DSG2: variants seen among roughly 807,000 people sequenced by gnomAD.
DSG2 encodes the protein desmoglein-2.
DSG2 carries 45 observed loss-of-function variants against 75.6 expected under a neutral mutation model. The ratio of observed to expected loss-of-function variants is 0.60; its 90% CI spans 0.47 to 0.76. The LOEUF is 0.76. DSG2 is among the 30% of genes least tolerant of loss of function. DSG2 has a pLI of 0.00. For synonymous variants in DSG2, 429 were observed against 483.9 expected, an observed-to-expected ratio of 0.89 and a Z score of 1.49; for missense variants, 1,267 against 1,357.4, an observed-to-expected ratio of 0.93 and a Z score of 1.05.
Position 31,506,824 on chromosome 18 carries a change from A to G in DSG2, c.45+8528A>G, listed in dbSNP as rs930075366. On this transcript the variant is annotated intron_variant, in intron 1 of 14. Coordinates refer to ENST00000261590, the MANE Select transcript of DSG2 (RefSeq NM_001943.5). The stretch of plus-strand genomic sequence containing the variant: ...TATTTTTTACATGTCTAGTCATTTA[A>G]TAAATGCTATTTTGAATTGAAATTG... 2.0e-5 allele frequency among the ~76,000 whole-genome samples: 3 copies of G among 152,262 alleles called. No individual in the cohort carries two copies. In the South Asian group the frequency reaches 6.2e-4, roughly 31 times the overall value.
chr18:31,541,300 C>G lies in DSG2; in HGVS notation c.1987C>G (p.Pro663Ala). 6.2e-7 allele frequency: 1 copy of G among 1,614,042 alleles called. No individual in the cohort carries two copies. Residue 663 changes from proline (P) to alanine (A), a missense_variant, in exon 13 of 15, where the codon CCA (proline) becomes GCA (alanine). Transcript: ENST00000261590. Reference protein sequence around the residue: ...MLHPWNNEGAPPEDKVVPSFL... With the variant: ...MLHPWNNEGAAPEDKVVPSFL... ...GCATCCTTGGAATAATGAAGGAGCA[C>G]CACCTGAAGACAAGGTCAGTGGATC...
At position 31,531,148 on chromosome 18, in the gene DSG2, C is replaced by T. The variant is rs1305831657; in HGVS notation, c.1176C>T (p.Val392=). 1 of 1,614,124 alleles carries T rather than the reference C, an allele frequency of 6.2e-7. No homozygotes were observed. The highest frequency in any genetic ancestry group is 1.1e-5 in the South Asian group (1 of 91,076). The change falls in exon 9 of 15, where the codon GTC becomes GTT. Residue 392 remains valine, a synonymous_variant. Coordinates refer to ENST00000261590, the MANE Select transcript of DSG2 (RefSeq NM_001943.5). ...AAGGCATTCATTTTAAAAGCAGCGTCATCTCAATTTATGTTAGCGAGAGCA... is the reference window on the plus strand; with the variant it reads ...AAGGCATTCATTTTAAAAGCAGCGTTATCTCAATTTATGTTAGCGAGAGCA... ...VKEGIHFKSS[V]ISIYVSESMD...
intron 9 of DSG2, 54 bp downstream of exon 9, chr18:31,531,306 T>C: frequency 6.3e-7 from 1 of 1,591,352 alleles, no homozygotes; most frequent in Non-Finnish European, 8.6e-7. Context: ...TCAGTGCCTA[T>C]TTTCAAAAAT....
rs771083574 is a variant in DSG2 at position 31,536,355 on chromosome 18, G to A, written c.1577G>A (p.Ser526Asn). The stretch of plus-strand genomic sequence containing the variant: ...GAGGACCTGGATGGACACCCAAACA[G>A]TGGCCCTTTCAGTTTCTCCGTCATT... ...TAEDLDGHPN[S>N]GPFSFSVIDK... is the part of the protein sequence containing the mutation. The change falls in exon 11 of 15, where the codon AGT becomes AAT. Residue 526 changes from serine to asparagine, a missense_variant. Transcript: ENST00000261590. The A allele has an allele frequency of 6.2e-7, 1 of 1,614,196 alleles. No individual in the cohort carries two copies. The highest frequency in any genetic ancestry group is 8.5e-7 in the Non-Finnish European group (1 of 1,180,044).
Position 31,522,236 on chromosome 18 carries a change from C to G in DSG2, c.677C>G (p.Thr226Ser). 1.9e-6 allele frequency: 3 copies of G among 1,613,480 alleles called. No individual in the cohort carries two copies. In the South Asian group the frequency reaches 3.3e-5, roughly 18 times the overall value. Residue 226 changes from threonine to serine, a missense_variant, in exon 6 of 15, where the codon ACC becomes AGC. By Grantham distance (58) the Thr-to-Ser change is moderately conservative. Transcript: ENST00000261590. ...DTGEIYTTSV[T>S]LDREEHSSYT... ...GGAGAGATTTATACAACCAGTGTTA[C>G]CTTGGACAGAGAGGTAAGTTAATAT...
At chr18:31,518,316 G>A (rs1433137417) in intron 2 of DSG2, 42 bp downstream of exon 2, 2 of 1,564,076 alleles carry the variant, frequency 1.3e-6, no homozygotes, top group Admixed American at 3.3e-5. Flanking sequence ...TGACTCAGGA[G>A]GGTTAATTCC....
At chr18:31,529,774 TG>T (rs2073183248) in intron 8 of DSG2, among the ~76,000 whole-genome samples, 1 of 152,192 alleles carries the variant, frequency 6.6e-6, no homozygotes, top group Admixed American at 6.5e-5. Context: ...TGCATCTAAA[TG>T]GTCAGAGATA....
At position 31,538,922 on chromosome 18, in the gene DSG2, T is replaced by TG. The variant is rs1039633976; in HGVS notation, c.1826dup (p.Leu610ProfsTer50). 3 of 1,614,070 alleles carry TG rather than the reference T, an allele frequency of 1.9e-6. No individual in the cohort carries two copies. In the African/African-American group the frequency reaches 4.0e-5, roughly 22 times the overall value. On this transcript the variant is annotated frameshift_variant, in exon 12 of 15. Transcript: ENST00000261590. LOFTEE classifies it high-confidence loss of function. ...AGGGAAGCACAGCATGACTCCTATG[T>TG]GGGCCTGGGACCCGCAGCAATTGCG... is the stretch of plus-strand genomic sequence containing the variant.
chr18:31,520,804 T>C lies in DSG2; in HGVS notation c.218T>C (p.Ile73Thr). The C allele has an allele frequency of 6.2e-7, 1 of 1,613,512 alleles. No individual in the cohort carries two copies. The highest frequency in any genetic ancestry group is 2.2e-5 in the East Asian group (1 of 44,758). ...DLSKKNPIAKIHSDLAEERGL... is the reference protein window; with the variant it reads ...DLSKKNPIAKTHSDLAEERGL... The stretch of plus-strand genomic sequence containing the variant: ...ACATTCCTGTTATTTTTATGTTAGA[T>C]ACATTCTGATCTTGCAGAAGAAAGA... Residue 73 changes from isoleucine to threonine, a missense_variant and splice_region_variant, in exon 4 of 15, where the codon ATA (isoleucine) becomes ACA (threonine). Physicochemically the swap from Ile to Thr is moderately conservative, Grantham distance 89 (BLOSUM62 -1). Transcript: ENST00000261590.
chr18:31,546,453 C>T lies in DSG2; in HGVS notation c.3067C>T (p.Leu1023Phe). ...CATGGTGAGGGAAAGAGAGAGCTTCCTTGCCCCCAGCTCAGGTGTGCAGCC... is the reference window on the plus strand; with the variant it reads ...CATGGTGAGGGAAAGAGAGAGCTTCTTTGCCCCCAGCTCAGGTGTGCAGCC... ...YVMVRERESF[L>F]APSSGVQPTL... Residue 1023 changes from leucine (L) to phenylalanine (F), a missense_variant, in exon 15 of 15, where the codon CTT becomes TTT. By Grantham distance (22) the Leu-to-Phe change is conservative. Transcript: ENST00000261590. 1 of 1,614,160 alleles carries T rather than the reference C, an allele frequency of 6.2e-7. No homozygotes were observed. The highest frequency in any genetic ancestry group is 2.2e-5 in the East Asian group (1 of 44,882).
intron 1 of DSG2, among the ~76,000 whole-genome samples, chr18:31,512,354 C>G (rs2073071904): frequency 6.6e-6 from 1 of 152,212 alleles, no homozygotes; most frequent in Non-Finnish European, 1.5e-5. Flanking sequence ...CCTCTGCCTT[C>G]AAAATAAACA....
chr18:31,546,929 A>G lies in DSG2; in HGVS notation c.*186A>G, dbSNP rs2073316758. ...CTCTGCTTCCAGGAGTATTTTAGAA[A>G]TGTTCCACAATTTACTGAAGACATA... On this transcript the variant is annotated 3_prime_UTR_variant, in exon 15 of 15. Coordinates refer to ENST00000261590, the MANE Select transcript of DSG2 (RefSeq NM_001943.5). 1 of 697,218 alleles carries G rather than the reference A, an allele frequency of 1.4e-6. No homozygotes were observed. The highest frequency in any genetic ancestry group is 2.5e-6 in the Non-Finnish European group (1 of 395,768). The allele number at this position is 697,218 out of a possible 1,614,324, so 43.2% of individuals were successfully genotyped here.
rs765051990 is a variant in DSG2 at position 31,542,885 on chromosome 18, G to A, written c.2334+33G>A. 14 of 1,086,616 alleles carry A rather than the reference G, an allele frequency of 1.3e-5. 2 individuals carry two copies. Among genetic ancestry groups the A allele is most frequent in the Non-Finnish European group, 1.5e-5 (12 of 784,728 alleles). The allele number at this position is 1,086,616 out of a possible 1,614,324, so 67.3% of individuals were successfully genotyped here. A position where few individuals can be genotyped will look rare whatever the true frequency, so the allele number is the denominator to read the frequency against. On this transcript the variant is annotated intron_variant, in intron 14 of 14. Transcript: ENST00000261590. ...TGAGTTTTATGTATTGGTGGTGGGG[G>A]GTGGGGGGAACATTTGTATGTGAAT...
At chr18:31,521,551 A>G (rs1295137394) in intron 5 of DSG2, among the ~76,000 whole-genome samples, 1 of 152,160 alleles carries the variant, frequency 6.6e-6, no homozygotes, top group African/African-American at 2.4e-5. Context: ...CTGTGGTCCA[A>G]TAAAACTTCA....
Position 31,546,102 on chromosome 18 carries a change from A to G in DSG2, c.2716A>G (p.Ile906Val), listed in dbSNP as rs748894535. 1.2e-6 allele frequency: 2 copies of G among 1,614,222 alleles called. No individual in the cohort carries two copies. Among genetic ancestry groups the G allele is most frequent in the East Asian group, 2.2e-5 (1 of 44,884 alleles). ...EANAEKVTQE[I>V]VTERSVSSRQ... is the part of the protein sequence containing the mutation. ...CAATGCAGAGAAAGTAACTCAGGAA[A>G]TAGTCACTGAAAGATCTGTGTCTTC... is the stretch of plus-strand genomic sequence containing the variant. The change falls in exon 15 of 15, where the codon ATA becomes GTA. Residue 906 changes from isoleucine to valine, a missense_variant. Physicochemically the swap from Ile to Val is conservative, Grantham distance 29 (BLOSUM62 3). Coordinates refer to ENST00000261590, the MANE Select transcript of DSG2 (RefSeq NM_001943.5).
At chr18:31,538,652 T>G (rs1479657168) in intron 11 of DSG2, 99 bp from the exon 12 acceptor site, 4 of 1,007,514 alleles carry the variant, frequency 4.0e-6, no homozygotes, top group Non-Finnish European at 4.6e-6. Flanking sequence ...TAATTGGAGT[T>G]AAATACAATC....
At chr18:31,530,195 C>A (rs2144331274) in intron 8 of DSG2, among the ~76,000 whole-genome samples, 1 of 152,198 alleles carries the variant, frequency 6.6e-6, no homozygotes, top group East Asian at 1.9e-4. Flanking sequence ...CTCTAGGTTT[C>A]TTCTTTACTC....
chr18:31,523,050 A>G (rs2073138315), intron 6 of DSG2, among the ~76,000 whole-genome samples: 1 of 152,210 alleles, frequency 6.6e-6, no homozygotes, highest in African/African-American at 2.4e-5. Context: ...ATCATAAAGT[A>G]CACTCTTTGT....
chr18:31,516,608 G>A (rs1387142437), intron 1 of DSG2, among the ~76,000 whole-genome samples: 1 of 152,212 alleles, frequency 6.6e-6, no homozygotes, highest in East Asian at 1.9e-4. Context: ...AGACTCTTCT[G>A]AGCAAATGCA....
Sources: gnomAD v4.1 joint callset for allele counts (sites outside exome capture counted in the v4.1 genomes callset) on GRCh38, gnomAD v4.1.1 for gene constraint, MANE v1.5 for transcripts, NCBI Gene and HGNC (gene_info 2026-07-23, HGNC 2026-07-21) for gene names.